PECR: variants seen among roughly 807,000 people sequenced by gnomAD.
PECR encodes 2,4-dienoyl-CoA reductase-related protein.
Under a neutral mutation model 35.3 loss-of-function variants are expected in PECR, and 30 were observed. That is an observed-to-expected ratio of 0.85 (90% confidence interval 0.64 to 1.15). The LOEUF (loss-of-function observed/expected upper bound fraction) is 1.15. PECR is among the 50% of genes most tolerant of loss of function. The probability of loss-of-function intolerance (pLI) is 0.00; values close to 1 mark genes in which losing one functional copy is unlikely to be tolerated. For missense variants in PECR, 392 were observed against 370.8 expected (o/e 1.06, Z -0.47); for synonymous variants, 148 against 138.9 (o/e 1.07, Z -0.46).
intron 3 of PECR, among the ~76,000 whole-genome samples, chr2:216,062,903 G>A (rs1285121870): frequency 6.6e-6 from 1 of 152,146 alleles, no homozygotes; most frequent in African/African-American, 2.4e-5. Context: ...TGCTATACAG[G>A]TTTGTAGCCT....
intron 7 of PECR, among the ~76,000 whole-genome samples, chr2:216,030,108 G>A (rs1694657759): frequency 6.6e-6 from 1 of 152,142 alleles, no homozygotes; most frequent in African/African-American, 2.4e-5. Flanking sequence ...GAAGATTTAG[G>A]TTTCAAATTT....
In PECR at chr2:216,038,480, G is replaced by C. The variant is rs897771548; in HGVS notation, c.*795C>G. ...AACTATACATCAATAATTACCATAA[G>C]GCATTATTGCTCCTAAAGTATTTGC... On this transcript the variant is annotated 3_prime_UTR_variant, in exon 8 of 8. Transcript: ENST00000265322. 2.8e-4 allele frequency: 43 copies of C among 152,046 alleles called. No homozygotes were observed. The highest frequency in any genetic ancestry group is 6.0e-4 in the Non-Finnish European group (41 of 68,008). The allele number at this position is 152,046 out of a possible 1,614,324, so 9.4% of individuals were successfully genotyped here.
intron 7 of PECR, among the ~76,000 whole-genome samples, chr2:216,031,665 A>AAGAAAGAG (rs1553558863): frequency 1.2e-5 from 1 of 84,862 alleles, no homozygotes. Context: ...GAAAGAAAGA[A>AAGAAAGAG]AGAAAGAAAG....
Position 216,069,474 on chromosome 2 carries a change from T to A in PECR, c.125-2956A>T, listed in dbSNP as rs114669879. ...ACACTGGAAGCGAAATTAGAATGCA[T>A]GTCAGGGGAATTATAAAAGGGGAAT... On this transcript the variant is annotated intron_variant, in intron 1 of 7. Coordinates refer to ENST00000265322, the MANE Select transcript of PECR (RefSeq NM_018441.6). 2.8e-3 allele frequency among the ~76,000 whole-genome samples: 432 copies of A among 152,260 alleles called. 1 individual carries two copies. Among genetic ancestry groups the A allele is most frequent in the African/African-American group, 8.1e-3 (336 of 41,546 alleles).
intron 1 of PECR, among the ~76,000 whole-genome samples, chr2:216,072,417 G>T (rs1434965363): frequency 2.6e-5 from 4 of 152,114 alleles, no homozygotes; most frequent in Admixed American, 2.0e-4. Flanking sequence ...ATAGATGTAG[G>T]GGGGACAAGT....
rs568840602 is a variant in PECR at position 216,049,921 on chromosome 2, A to G, written c.604-548T>C. 1.1e-4 allele frequency among the ~76,000 whole-genome samples: 16 copies of G among 152,324 alleles called. No individual in the cohort carries two copies. The South Asian group carries it at 3.3e-3, about 32-fold the overall frequency. On this transcript the variant is annotated intron_variant, in intron 5 of 7. Coordinates refer to ENST00000265322, the MANE Select transcript of PECR (RefSeq NM_018441.6). ...CTTTCTAAGGTCAGGAAAATTACTC[A>G]AAAACTGTATCCCAGGCCAGGTGCA... is the stretch of plus-strand genomic sequence containing the variant.
chr2:216,077,497 AC>A (rs1410596179), intron 1 of PECR, among the ~76,000 whole-genome samples: 3 of 130,060 alleles, frequency 2.3e-5, no homozygotes, highest in Non-Finnish European at 4.8e-5. Context: ...ACAGAGCAAG[AC>A]CTCCATCTCA....
At chr2:216,055,387 C>T (rs1695204170) in intron 4 of PECR, among the ~76,000 whole-genome samples, 1 of 148,346 alleles carries the variant, frequency 6.7e-6, no homozygotes, top group Admixed American at 6.8e-5. Context: ...TGGTGAGCTG[C>T]GATAGTGCCA....
At chr2:216,053,748 G>A (rs1032934034) in intron 4 of PECR, among the ~76,000 whole-genome samples, 2 of 152,144 alleles carry the variant, frequency 1.3e-5, no homozygotes, top group Non-Finnish European at 2.9e-5. Flanking sequence ...TTCTTTTTCA[G>A]TGCCTGTTAT....
At chr2:216,066,900 T>C (rs1414572204) in intron 1 of PECR, among the ~76,000 whole-genome samples, 2 of 152,112 alleles carry the variant, frequency 1.3e-5, no homozygotes, top group African/African-American at 4.8e-5. Flanking sequence ...GATTTTTGCT[T>C]CTGGACAAGA....
At chr2:216,080,013 A>G (rs1019160836) in intron 1 of PECR, among the ~76,000 whole-genome samples, 2 of 151,266 alleles carry the variant, frequency 1.3e-5, no homozygotes, top group Admixed American at 6.6e-5. Context: ...TTGGAATGCT[A>G]TTAGGTTTAG....
At chr2:216,055,415 C>G (rs1574689354) in intron 4 of PECR, among the ~76,000 whole-genome samples, 1 of 137,962 alleles carries the variant, frequency 7.2e-6, no homozygotes, top group Non-Finnish European at 1.6e-5. Flanking sequence ...CCAGCCTGGG[C>G]AACAAGAACA....
intron 1 of PECR, among the ~76,000 whole-genome samples, chr2:216,067,701 C>T (rs1357371735): frequency 3.9e-5 from 6 of 152,014 alleles, no homozygotes; most frequent in Non-Finnish European, 5.9e-5. Context: ...CGACTACAGG[C>T]GTGCACCACC....
intron 4 of PECR, among the ~76,000 whole-genome samples, chr2:216,054,606 G>T (rs948721321): frequency 6.6e-6 from 1 of 151,562 alleles, no homozygotes; most frequent in African/African-American, 2.4e-5. Context: ...AAAGTGCTGG[G>T]ATTACAGGCG....
intron 2 of PECR, 104 bp from the exon 3 acceptor site, chr2:216,065,581 G>A (rs1331014994): frequency 2.7e-6 from 2 of 742,894 alleles, no homozygotes; most frequent in Admixed American, 3.9e-5. Context: ...CTCTCACAGT[G>A]AACAGTCACT....
intron 3 of PECR, among the ~76,000 whole-genome samples, chr2:216,062,780 A>G (rs1695381498): frequency 6.6e-6 from 1 of 152,256 alleles, no homozygotes; most frequent in Non-Finnish European, 1.5e-5. Context: ...GATTGCATAT[A>G]TAACAGTGGT....
At chr2:216,074,371 TG>T (rs1695643644) in intron 1 of PECR, among the ~76,000 whole-genome samples, 1 of 151,710 alleles carries the variant, frequency 6.6e-6, no homozygotes, top group African/African-American at 2.4e-5. Context: ...TGCTTGAACC[TG>T]GGGGCAGAGG....
intron 3 of PECR, among the ~76,000 whole-genome samples, chr2:216,062,839 G>C (rs1218291852): frequency 6.6e-6 from 1 of 152,168 alleles, no homozygotes; most frequent in Non-Finnish European, 1.5e-5. Flanking sequence ...TCTATGTCGA[G>C]ATACACAAAT....
At chr2:216,075,945 TA>T (rs1298321358) in intron 1 of PECR, among the ~76,000 whole-genome samples, 3 of 152,158 alleles carry the variant, frequency 2.0e-5, no homozygotes, top group Non-Finnish European at 2.9e-5. Flanking sequence ...AACTTGAAGA[TA>T]AAAAAACATC....
Sources: gnomAD v4.1 joint callset for allele counts (sites outside exome capture counted in the v4.1 genomes callset) on GRCh38, gnomAD v4.1.1 for gene constraint, MANE v1.5 for transcripts, NCBI Gene and HGNC (gene_info 2026-07-23, HGNC 2026-07-21) for gene names.